The following SLC25A42 variants were observed in gnomAD, a reference collection of about 807,000 sequenced individuals.
SLC25A42 encodes solute carrier family 25 member 42.
In SLC25A42, 19 loss-of-function variants were observed where a neutral mutation model predicts 34.7. The ratio of observed to expected loss-of-function variants is 0.55; its 90% CI spans 0.38 to 0.80. The LOEUF (loss-of-function observed/expected upper bound fraction) is 0.80. Ranked by LOEUF, SLC25A42 falls within the 30% of genes least tolerant of loss-of-function variation. The probability of loss-of-function intolerance (pLI) is 0.00; values close to 1 mark genes in which losing one functional copy is unlikely to be tolerated. For synonymous variants in SLC25A42, 205 were observed against 191.2 expected (o/e 1.07, Z -0.59); for missense variants, 364 against 441.3 (o/e 0.82, Z 1.57).
At chr19:19,074,846 T>G (rs566609592) in intron 1 of SLC25A42, among the ~76,000 whole-genome samples, 1 of 152,136 alleles carries the variant, frequency 6.6e-6, no homozygotes, top group Admixed American at 6.6e-5. Flanking sequence ...AATTGCCTGA[T>G]TCAGAACAAG....
chr19:19,107,819 G>A (rs570642406), intron 6 of SLC25A42, 75 bp from the exon 7 acceptor site: 7 of 1,559,530 alleles, frequency 4.5e-6, no homozygotes, highest in African/African-American at 1.4e-5. Flanking sequence ...TTCGGGAGGA[G>A]CCGAGAGCCT....
chr19:19,097,023 A>G (rs2059769267), intron 2 of SLC25A42, among the ~76,000 whole-genome samples: 1 of 152,232 alleles, frequency 6.6e-6, no homozygotes, highest in Non-Finnish European at 1.5e-5. Context: ...TTCACCTCTT[A>G]AGTCCACAAT....
At chr19:19,080,307 A>G (rs1298327337) in intron 1 of SLC25A42, among the ~76,000 whole-genome samples, 2 of 152,112 alleles carry the variant, frequency 1.3e-5, no homozygotes, top group Non-Finnish European at 2.9e-5. Context: ...GTGAAGGGTC[A>G]CTGCTTGTGC....
intron 1 of SLC25A42, 117 bp from the exon 2 acceptor site, chr19:19,095,974 G>T: frequency 1.4e-6 from 1 of 732,588 alleles, no homozygotes; most frequent in South Asian, 1.5e-5. Flanking sequence ...GCGGAATGCA[G>T]TTGAGGGCAT....
chr19:19,096,043 ATC>A, intron 1 of SLC25A42, 46 bp from the exon 2 acceptor site: 1 of 1,247,800 alleles, frequency 8.0e-7, no homozygotes, highest in Non-Finnish European at 1.2e-6. Flanking sequence ...AACACCCACC[ATC>A]TCTCAGGATC....
At chr19:19,069,116 C>T (rs1392826652) in intron 1 of SLC25A42, among the ~76,000 whole-genome samples, 1 of 152,022 alleles carries the variant, frequency 6.6e-6, no homozygotes, top group Non-Finnish European at 1.5e-5. Context: ...GGAAGTAGAA[C>T]GATGTCCCCT....
chr19:19,094,399 T>A (rs2059753918), intron 1 of SLC25A42, among the ~76,000 whole-genome samples: 1 of 152,232 alleles, frequency 6.6e-6, no homozygotes, highest in Admixed American at 6.5e-5. Flanking sequence ...ACTCAAACTG[T>A]TCCAGCTTTG....
intron 1 of SLC25A42, among the ~76,000 whole-genome samples, chr19:19,093,558 T>C (rs2059749031): frequency 6.6e-6 from 1 of 152,176 alleles, no homozygotes; most frequent in Non-Finnish European, 1.5e-5. Context: ...TCCTCACATC[T>C]CCTTAGACTC....
intron 1 of SLC25A42, among the ~76,000 whole-genome samples, chr19:19,079,700 C>G (rs1195656616): frequency 2.0e-5 from 3 of 152,142 alleles, no homozygotes; most frequent in Non-Finnish European, 4.4e-5. Context: ...TGTTGTGAAT[C>G]TTACTGCTAG....
intron 1 of SLC25A42, among the ~76,000 whole-genome samples, chr19:19,077,896 G>GAAT (rs1216828760): frequency 6.6e-6 from 1 of 152,074 alleles, no homozygotes; most frequent in Non-Finnish European, 1.5e-5. Context: ...CAAAAAAAAA[G>GAAT]AATCGTTCAG....
intron 1 of SLC25A42, among the ~76,000 whole-genome samples, chr19:19,068,840 A>G (rs1420504606): frequency 6.9e-6 from 1 of 145,904 alleles, no homozygotes; most frequent in East Asian, 2.0e-4. Context: ...TCAGTCTCAA[A>G]TAAATAAATA....
intron 1 of SLC25A42, among the ~76,000 whole-genome samples, chr19:19,068,909 C>T (rs899019144): frequency 6.6e-6 from 1 of 150,980 alleles, no homozygotes; most frequent in Non-Finnish European, 1.5e-5. Flanking sequence ...ACCCATAGTC[C>T]TAGCTACTCA....
chr19:19,097,788 C>A (rs2059773305), intron 2 of SLC25A42, among the ~76,000 whole-genome samples: 1 of 152,084 alleles, frequency 6.6e-6, no homozygotes, highest in Admixed American at 6.5e-5. Context: ...CATGGTGAAA[C>A]CCCATCTCTA....
At chr19:19,106,501 TC>T in intron 6 of SLC25A42, 116 bp downstream of exon 6, 1 of 753,900 alleles carries the variant, frequency 1.3e-6, no homozygotes, top group Non-Finnish European at 2.1e-6. Flanking sequence ...GGCCTCCGTG[TC>T]CACAGGGCAG....
chr19:19,096,136 T>C lies in SLC25A42; in HGVS notation c.12T>C (p.Gly4=). 6.2e-7 allele frequency: 1 copy of C among 1,613,844 alleles called. No individual in the cohort carries two copies. Among genetic ancestry groups the C allele is most frequent in the Non-Finnish European group, 8.5e-7 (1 of 1,179,924 alleles). The stretch of plus-strand genomic sequence containing the variant: ...CGAGCAGGCCTGGTATGGGTAATGG[T>C]GTGAAGGAAGGCCCGGTGCGATTGC... MGN[G]VKEGPVRLHE... is the part of the protein sequence containing the mutation. Residue 4 remains glycine, a synonymous_variant, in exon 2 of 8, where the codon GGT becomes GGC. Coordinates refer to ENST00000318596, the MANE Select transcript of SLC25A42 (RefSeq NM_178526.5).
At chr19:19,093,834 T>C (rs2059750741) in intron 1 of SLC25A42, among the ~76,000 whole-genome samples, 1 of 152,182 alleles carries the variant, frequency 6.6e-6, no homozygotes, top group Admixed American at 6.5e-5. Flanking sequence ...CCTGCCACCA[T>C]GCCTGGCCAA....
chr19:19,079,249 T>G (rs939773330), intron 1 of SLC25A42, among the ~76,000 whole-genome samples: 4 of 151,884 alleles, frequency 2.6e-5, no homozygotes, highest in Non-Finnish European at 5.9e-5. Flanking sequence ...AGAGACAGGG[T>G]CTCACCATGT....
At chr19:19,107,658 A>T (rs965031984) in intron 6 of SLC25A42, among the ~76,000 whole-genome samples, 1 of 152,152 alleles carries the variant, frequency 6.6e-6, no homozygotes, top group Non-Finnish European at 1.5e-5. Flanking sequence ...AAAAAAAAAG[A>T]CAAGGGCTGA....
At chr19:19,095,988 T>A (rs1212497308) in intron 1 of SLC25A42, 103 bp from the exon 2 acceptor site, 2 of 772,240 alleles carry the variant, frequency 2.6e-6, no homozygotes, top group Non-Finnish European at 4.6e-6. Flanking sequence ...AGGGCATCCC[T>A]CCCCACGCAG....
Sources: allele counts gnomAD v4.1 joint callset (sites outside exome capture counted in the v4.1 genomes callset), GRCh38; gene constraint gnomAD v4.1.1; transcripts MANE v1.5; gene names NCBI Gene and HGNC (gene_info 2026-07-23, HGNC 2026-07-21).